CPA6: variants seen among roughly 807,000 people sequenced by gnomAD.
CPA6 encodes the protein carboxypeptidase A6, also known as carboxypeptidase B.
CPA6 carries 58 observed loss-of-function variants against 63.3 expected under a neutral mutation model. The observed-to-expected ratio is 0.92, with a 90% CI of 0.74 to 1.14. The LOEUF (loss-of-function observed/expected upper bound fraction) is 1.14. Ranked by LOEUF, CPA6 falls within the 50% of genes most tolerant of loss-of-function variation. The pLI is 0.00. For synonymous variants in CPA6, 185 were observed against 179.0 expected (o/e 1.03, Z -0.27); for missense variants, 565 against 526.6 (o/e 1.07, Z -0.71).
chr8:67,642,793 T>TCACACACACACACACACACACACACA (rs61054637), intron 1 of CPA6, among the ~76,000 whole-genome samples: 1 of 145,074 alleles, frequency 6.9e-6, no homozygotes, highest in African/African-American at 2.6e-5. Context: ...GGCCTTTATC[T>TCACACACACACACACACACACACACA]CACACACACA....
intron 2 of CPA6, among the ~76,000 whole-genome samples, chr8:67,542,019 G>A (rs1447230243): frequency 1.3e-5 from 2 of 152,206 alleles, no homozygotes; most frequent in Non-Finnish European, 2.9e-5. Context: ...GTATTATCTG[G>A]CAAGAAACCA....
chr8:67,509,904 T>G (rs920988111), intron 4 of CPA6, among the ~76,000 whole-genome samples: 1 of 152,194 alleles, frequency 6.6e-6, no homozygotes, highest in African/African-American at 2.4e-5. Flanking sequence ...TAACAGATTT[T>G]TATAAAAAAT....
intron 10 of CPA6, 67 bp downstream of exon 10, chr8:67,427,979 AG>A: frequency 9.6e-7 from 1 of 1,039,428 alleles, no homozygotes; most frequent in Non-Finnish European, 1.5e-6. Flanking sequence ...CCCTTCTAAA[AG>A]GAAGTCATGA....
intron 2 of CPA6, among the ~76,000 whole-genome samples, chr8:67,594,853 A>T (rs1245684643): frequency 1.3e-5 from 2 of 152,102 alleles, no homozygotes; most frequent in African/African-American, 2.4e-5. Flanking sequence ...GAGTAGTTTG[A>T]TCGTCTGAAG....
rs977844821 is a variant in CPA6, at chr8:67,667,479, CT to C, written c.117-43229del. Reference sequence around the variant, plus strand: ...ACCCCCATGCCAACATCATCCAAATCTTTTTTCAACTTCCCCGCTAAAAGTT... The same window carrying C: ...ACCCCCATGCCAACATCATCCAAATCTTTTTCAACTTCCCCGCTAAAAGTT... On this transcript the variant is annotated intron_variant, in intron 1 of 10. Coordinates refer to ENST00000297770, the MANE Select transcript of CPA6 (RefSeq NM_020361.5). Among the ~76,000 whole-genome samples, 6 of 152,068 alleles carry C rather than the reference CT, an allele frequency of 3.9e-5. No homozygotes were observed. In the South Asian group the frequency reaches 1.2e-3, roughly 32 times the overall value.
At chr8:67,454,277 C>T (rs537721903) in intron 8 of CPA6, among the ~76,000 whole-genome samples, 56 of 152,288 alleles carry the variant, frequency 3.7e-4, no homozygotes, top group African/African-American at 1.3e-3. Context: ...TACTAAAATG[C>T]AAAGAAACAG....
intron 1 of CPA6, among the ~76,000 whole-genome samples, chr8:67,702,863 C>T (rs1340225906): frequency 3.9e-5 from 6 of 152,184 alleles, no homozygotes. Flanking sequence ...AAGGGCTGAA[C>T]AGTGCACTTG....
chr8:67,576,055 G>C (rs1448233716), intron 2 of CPA6, among the ~76,000 whole-genome samples: 1 of 152,146 alleles, frequency 6.6e-6, no homozygotes, highest in East Asian at 1.9e-4. Flanking sequence ...ATGGGGAGAT[G>C]ATAATCAAAG....
intron 2 of CPA6, among the ~76,000 whole-genome samples, chr8:67,527,853 CATTA>C (rs1351865615): frequency 6.6e-6 from 1 of 152,178 alleles, no homozygotes; most frequent in Non-Finnish European, 1.5e-5. Flanking sequence ...TTTTCCTTCA[CATTA>C]ATTGTCAGCT....
chr8:67,511,729 T>A (rs1304902061), intron 3 of CPA6, 74 bp from the exon 4 acceptor site: 1 of 803,484 alleles, frequency 1.2e-6, no homozygotes, highest in African/African-American at 1.7e-5. Flanking sequence ...CCAGAAAAAA[T>A]CATATGCATC....
chr8:67,614,106 C>T (rs1225109802), intron 2 of CPA6, among the ~76,000 whole-genome samples: 1 of 152,174 alleles, frequency 6.6e-6, no homozygotes, highest in Non-Finnish European at 1.5e-5. Flanking sequence ...CTGTCACTGG[C>T]CCTCTGCCCT....
intron 2 of CPA6, among the ~76,000 whole-genome samples, chr8:67,579,377 C>T (rs111706533): frequency 0.042 from 6,340 of 152,278 alleles, 198 homozygotes; most frequent in Non-Finnish European, 0.062. Context: ...TGTGCCACTG[C>T]ACTCCAGCCT....
At chr8:67,604,386 C>G (rs1053758544) in intron 2 of CPA6, among the ~76,000 whole-genome samples, 1 of 152,158 alleles carries the variant, frequency 6.6e-6, no homozygotes, top group Non-Finnish European at 1.5e-5. Flanking sequence ...AGCTCACCCT[C>G]GCCTCCTTCA....
intron 6 of CPA6, among the ~76,000 whole-genome samples, chr8:67,491,109 C>T (rs1447061094): frequency 2.6e-5 from 4 of 151,942 alleles, no homozygotes; most frequent in Non-Finnish European, 5.9e-5. Flanking sequence ...ACAGGAATAT[C>T]ACTTAGGACT....
chr8:67,514,756 A>C (rs1241108514), intron 3 of CPA6, among the ~76,000 whole-genome samples: 9 of 152,224 alleles, frequency 5.9e-5, no homozygotes, highest in African/African-American at 2.2e-4. Flanking sequence ...ATAGTAATTA[A>C]TGAAGCATGT....
intron 1 of CPA6, among the ~76,000 whole-genome samples, chr8:67,654,580 G>A (rs942150524): frequency 3.9e-4 from 60 of 151,996 alleles, no homozygotes; most frequent in Admixed American, 7.2e-4. Context: ...CTGTGGGATC[G>A]GTGGTGATAT....
intron 2 of CPA6, among the ~76,000 whole-genome samples, chr8:67,559,128 A>G: frequency 6.6e-6 from 1 of 152,218 alleles, no homozygotes; most frequent in African/African-American, 2.4e-5. Context: ...AACTTTTGGG[A>G]TGTTGTATTT....
At chr8:67,706,735 CTT>C (rs1052897254) in intron 1 of CPA6, among the ~76,000 whole-genome samples, 12 of 152,102 alleles carry the variant, frequency 7.9e-5, no homozygotes, top group African/African-American at 2.9e-4. Context: ...ACGTTCTACT[CTT>C]TAATGAAAAA....
At chr8:67,566,324 C>T (rs1338413274) in intron 2 of CPA6, among the ~76,000 whole-genome samples, 1 of 152,206 alleles carries the variant, frequency 6.6e-6, no homozygotes, top group Admixed American at 6.5e-5. Flanking sequence ...GGCATCTCCT[C>T]ATAGTGTACA....
Sources: gnomAD v4.1 joint callset for allele counts (sites outside exome capture counted in the v4.1 genomes callset) on GRCh38, gnomAD v4.1.1 for gene constraint, MANE v1.5 for transcripts, NCBI Gene and HGNC (gene_info 2026-07-23, HGNC 2026-07-21) for gene names.